PLEKHH1: variants seen among roughly 807,000 people sequenced by gnomAD.
PLEKHH1 encodes the protein pleckstrin homology, MyTH4 and FERM domain containing H1.
PLEKHH1 carries 104 observed loss-of-function variants against 160.0 expected under a neutral mutation model. The observed-to-expected ratio is 0.65, with a 90% CI of 0.55 to 0.76. PLEKHH1 has a LOEUF of 0.76. Ranked by LOEUF, PLEKHH1 falls within the 30% of genes least tolerant of loss-of-function variation. The pLI is 0.00. For synonymous variants in PLEKHH1, 619 were observed against 678.4 expected, an observed-to-expected ratio of 0.91 and a Z score of 1.36; for missense variants, 1,427 against 1,724.1, an observed-to-expected ratio of 0.83 and a Z score of 3.05.
At chr14:67,575,219 G>T (rs1347756950) in intron 14 of PLEKHH1, among the ~76,000 whole-genome samples, 173 bp from the exon 15 acceptor site, 2 of 152,146 alleles carry the variant, frequency 1.3e-5, no homozygotes, top group Admixed American at 6.5e-5. Context: ...GTGCCACAGG[G>T]TGTCATGGCA....
chr14:67,557,780 C>T (rs2140398372), intron 4 of PLEKHH1, among the ~76,000 whole-genome samples: 1 of 152,314 alleles, frequency 6.6e-6, no homozygotes, highest in East Asian at 1.9e-4. Context: ...GGAGAGGCAA[C>T]CTATGTGACC....
At chr14:67,569,798 C>T (rs1056597310) in intron 8 of PLEKHH1, 123 bp from the exon 9 acceptor site, 2 of 688,886 alleles carry the variant, frequency 2.9e-6, no homozygotes, top group Admixed American at 2.1e-5. Context: ...CCCTGGCCCC[C>T]CTCTTGAGAT....
In PLEKHH1 at chr14:67,582,116, T is replaced by C; in HGVS notation, c.3332T>C (p.Leu1111Pro). Residue 1111 changes from leucine (L) to proline (P), a missense_variant, in exon 24 of 29, where the codon CTG becomes CCG. Coordinates refer to ENST00000329153, the MANE Select transcript of PLEKHH1 (RefSeq NM_020715.3). This position sits in a 1 kb window ranked among gnomAD's most constrained non-coding sequence, Gnocchi z 5.0. The stretch of plus-strand genomic sequence containing the variant: ...AAAGGGGAGACGGACCGAGAACGGC[T>C]GCTCCTTGCCTCTCAAACCAGTAGA... Reference protein sequence around the residue: ...QVKGETDRERLLLASQTSREI... With the variant: ...QVKGETDRERPLLASQTSREI... The C allele has an allele frequency of 1.2e-6, 2 of 1,613,432 alleles. No individual in the cohort carries two copies. The highest frequency in any genetic ancestry group is 1.7e-6 in the Non-Finnish European group (2 of 1,179,764).
chr14:67,563,609 T>C (rs2034945396), intron 7 of PLEKHH1, among the ~76,000 whole-genome samples: 1 of 151,472 alleles, frequency 6.6e-6, no homozygotes, highest in Non-Finnish European at 1.5e-5. Context: ...AATTTTGTAT[T>C]TTTAGTAGAG....
Position 67,568,704 on chromosome 14 carries a change from G to A in PLEKHH1, c.1264-434G>A, listed in dbSNP as rs12323376. 5.3e-5 allele frequency among the ~76,000 whole-genome samples: 8 copies of A among 151,882 alleles called. No homozygotes were observed. The South Asian group carries it at 1.0e-3, about 20-fold the overall frequency. ...ACAAAAGAGCCCTTGTCGTGTGGCC[G>A]CAGTGGCTTCCTCATTACCAATATC... On this transcript the variant is annotated intron_variant, in intron 7 of 28. Coordinates refer to ENST00000329153, the MANE Select transcript of PLEKHH1 (RefSeq NM_020715.3).
Position 67,577,407 on chromosome 14 carries a change from T to C in PLEKHH1, c.2567T>C (p.Leu856Pro). The C allele has an allele frequency of 6.3e-7, 1 of 1,576,936 alleles. No individual in the cohort carries two copies. The highest frequency in any genetic ancestry group is 8.6e-7 in the Non-Finnish European group (1 of 1,160,448). The change falls in exon 18 of 29, where the codon CTC becomes CCC. Residue 856 changes from leucine (L) to proline (P), a missense_variant. Coordinates refer to ENST00000329153, the MANE Select transcript of PLEKHH1 (RefSeq NM_020715.3). ...SEALQTEALK[L>P]FKSCQLFINV... ...GCCTTGCAGACGGAGGCCCTCAAGC[T>C]CTTCAAGGTAAATTGGGGTGGCGGC...
At chr14:67,563,021 G>A in intron 7 of PLEKHH1, 127 bp downstream of exon 7, 1 of 945,494 alleles carries the variant, frequency 1.1e-6, no homozygotes, top group South Asian at 1.7e-5. Flanking sequence ...CTGGCAGGCA[G>A]GTACCATGGA....
At chr14:67,535,347 G>A (rs970809601) in intron 1 of PLEKHH1, among the ~76,000 whole-genome samples, 4 of 139,542 alleles carry the variant, frequency 2.9e-5, no homozygotes, top group African/African-American at 1.1e-4. Context: ...GATCTCCAGA[G>A]TTAGATCTGG....
Position 67,583,739 on chromosome 14 carries a change from A to C in PLEKHH1, c.3427-2A>C, listed in dbSNP as rs1206986309. ...TGGTCTCTTCATATGCTTCTACCAC[A>C]GGTAGAATATGGGGACTTGGAGAAG... On this transcript the variant is annotated splice_acceptor_variant, in intron 24 of 28. Transcript: ENST00000329153. LOFTEE classifies it high-confidence loss of function. 1.2e-6 allele frequency: 2 copies of C among 1,608,650 alleles called. No homozygotes were observed. Among genetic ancestry groups the C allele is most frequent in the Admixed American group, 3.4e-5 (2 of 59,474 alleles).
chr14:67,565,802 T>G (rs2035062770), intron 7 of PLEKHH1, among the ~76,000 whole-genome samples: 1 of 152,112 alleles, frequency 6.6e-6, no homozygotes, highest in East Asian at 1.9e-4. Flanking sequence ...TTTCCAGCAG[T>G]AACTCCCAGG....
At chr14:67,586,507 T>A in intron 28 of PLEKHH1, 1 of 913,142 alleles carries the variant, frequency 1.1e-6, no homozygotes, top group African/African-American at 1.7e-5. Flanking sequence ...AGCTACAAAG[T>A]GGGACAGTCC....
At chr14:67,556,387 C>T (rs1457061387) in intron 3 of PLEKHH1, among the ~76,000 whole-genome samples, 1 of 152,176 alleles carries the variant, frequency 6.6e-6, no homozygotes, top group Non-Finnish European at 1.5e-5. Context: ...CCACCTACCT[C>T]AGCCTCCCAA....
chr14:67,584,730 A>G (rs2036065836), intron 26 of PLEKHH1, among the ~76,000 whole-genome samples: 1 of 152,208 alleles, frequency 6.6e-6, no homozygotes, highest in African/African-American at 2.4e-5. Context: ...AGGTTATAAG[A>G]AGTGAGAAAA....
chr14:67,562,956 G>A, intron 7 of PLEKHH1, 62 bp downstream of exon 7: 21 of 1,525,622 alleles, frequency 1.4e-5, no homozygotes, highest in Non-Finnish European at 1.7e-5. Flanking sequence ...ACTGCTGGCT[G>A]AGCACAGCCA....
chr14:67,574,134 C>A lies in PLEKHH1; in HGVS notation c.1927-108C>A. On this transcript the variant is annotated intron_variant, in intron 13 of 28. Coordinates refer to ENST00000329153, the MANE Select transcript of PLEKHH1 (RefSeq NM_020715.3). This position sits in a 1 kb window ranked among gnomAD's most constrained non-coding sequence, Gnocchi z 4.2. Reference sequence around the variant, plus strand: ...AGAAAGGAGGGAGCACTAGGGCAGGCAGAAGGCCAGCCCCTTGGGTTCAGG... The same window carrying A: ...AGAAAGGAGGGAGCACTAGGGCAGGAAGAAGGCCAGCCCCTTGGGTTCAGG... The A allele has an allele frequency of 1.0e-6, 1 of 989,186 alleles. No homozygotes were observed. Among genetic ancestry groups the A allele is most frequent in the Non-Finnish European group, 1.5e-6 (1 of 677,040 alleles). 61.3% of individuals were successfully genotyped at this position (989,186 alleles called of 1,614,324 possible). A position where few individuals can be genotyped will look rare whatever the true frequency, so the allele number is the denominator to read the frequency against.
rs1367670743 is a variant in PLEKHH1, at chr14:67,576,276, T to C, written c.2353-119T>C. On this transcript the variant is annotated intron_variant, in intron 16 of 28. Coordinates refer to ENST00000329153, the MANE Select transcript of PLEKHH1 (RefSeq NM_020715.3). The surrounding 1 kb of genome is among the most constrained non-coding windows in gnomAD (Gnocchi z 4.0). ...AGTCTTTCCAGGTAGCCCTGACTCA[T>C]GCCAACCAAACTAGCTGAACCCCAC... is the stretch of plus-strand genomic sequence containing the variant. 7.8e-6 allele frequency: 5 copies of C among 642,456 alleles called. No individual in the cohort carries two copies. The highest frequency in any genetic ancestry group is 1.1e-5 in the Non-Finnish European group (4 of 370,572). 39.8% of individuals were successfully genotyped at this position (642,456 alleles called of 1,614,324 possible).
In PLEKHH1 at chr14:67,578,240, G is replaced by C. The variant is rs780482971; in HGVS notation, c.2751+41G>C. 3.8e-6 allele frequency: 6 copies of C among 1,571,980 alleles called. No homozygotes were observed. Among genetic ancestry groups the C allele is most frequent in the Non-Finnish European group, 5.2e-6 (6 of 1,145,536 alleles). ...GTGGAGCAGCTGACAGAAGCCATTGGCAAGGGCTGCCAGGTGGGAAAGGTG... is the reference window on the plus strand; with the variant it reads ...GTGGAGCAGCTGACAGAAGCCATTGCCAAGGGCTGCCAGGTGGGAAAGGTG... On this transcript the variant is annotated intron_variant, in intron 19 of 28. Transcript: ENST00000329153. The surrounding 1 kb of genome is among the most constrained non-coding windows in gnomAD (Gnocchi z 5.0).
Position 67,562,646 on chromosome 14 carries a change from C to T in PLEKHH1, c.1015C>T (p.His339Tyr), listed in dbSNP as rs751691349. The change falls in exon 7 of 29, where the codon CAT (histidine) becomes TAT (tyrosine). Residue 339 changes from histidine to tyrosine, a missense_variant. Physicochemically the swap from His to Tyr is moderately conservative, Grantham distance 83. Coordinates refer to ENST00000329153, the MANE Select transcript of PLEKHH1 (RefSeq NM_020715.3). ...KRHHSQPQVGHGHFGRVVNIE... is the reference protein window; with the variant it reads ...KRHHSQPQVGYGHFGRVVNIE... ...GCACCACAGCCAGCCCCAGGTGGGCCATGGGCACTTTGGCCGTGTGGTGAA... is the reference window on the plus strand; with the variant it reads ...GCACCACAGCCAGCCCCAGGTGGGCTATGGGCACTTTGGCCGTGTGGTGAA... The T allele has an allele frequency of 4.3e-6, 7 of 1,612,862 alleles. No individual in the cohort carries two copies. In the South Asian group the frequency reaches 5.5e-5, roughly 13 times the overall value.
At position 67,573,761 on chromosome 14, in the gene PLEKHH1, CCACATT is replaced by C; in HGVS notation, c.1840-37_1840-32del. On this transcript the variant is annotated intron_variant, in intron 12 of 28. Transcript: ENST00000329153. The surrounding 1 kb of genome is among the most constrained non-coding windows in gnomAD (Gnocchi z 4.8). ...GTAAATGAGGTGCTCCGGAAAGGCT[CCACATT>C]CAGTGGCTCTCCTCTCCAATACTTT... 3 of 1,329,496 alleles carry C rather than the reference CCACATT, an allele frequency of 2.3e-6. No homozygotes were observed. The highest frequency in any genetic ancestry group is 3.3e-6 in the Non-Finnish European group (3 of 919,656). 82.4% of individuals were successfully genotyped at this position (1,329,496 alleles called of 1,614,324 possible). A position where few individuals can be genotyped will look rare whatever the true frequency, so the allele number is the denominator to read the frequency against.
Sources: gnomAD v4.1 joint callset for allele counts (sites outside exome capture counted in the v4.1 genomes callset) on GRCh38, gnomAD v4.1.1 for gene constraint, Gnocchi (gnomAD v3.1) non-coding constraint, MANE v1.5 for transcripts, NCBI Gene and HGNC (gene_info 2026-07-23, HGNC 2026-07-21) for gene names.